The following AKAP13 variants were observed in gnomAD, a reference collection of about 807,000 sequenced individuals.
AKAP13 encodes A-kinase anchoring protein 13, also known as A-kinase anchor protein 13.
AKAP13 carries 80 observed loss-of-function variants against 264.5 expected under a neutral mutation model. The ratio of observed to expected loss-of-function variants is 0.30; its 90% CI spans 0.25 to 0.36. The LOEUF (loss-of-function observed/expected upper bound fraction) is 0.36. Among genes scored for constraint, AKAP13 ranks in the 10% least tolerant of loss-of-function variants. The pLI is 1.00. For synonymous variants in AKAP13, 1,380 were observed against 1,250.2 expected, an observed-to-expected ratio of 1.10 and a Z score of -2.19; for missense variants, 3,712 against 3,435.2, an observed-to-expected ratio of 1.08 and a Z score of -2.01.
intron 5 of AKAP13, among the ~76,000 whole-genome samples, chr15:85,557,774 CG>C (rs1366842740): frequency 1.3e-5 from 2 of 152,168 alleles, no homozygotes; most frequent in Non-Finnish European, 2.9e-5. Flanking sequence ...CATGCCCACA[CG>C]ACAGAACCTC....
At chr15:85,554,284 T>G (rs1175361362) in intron 5 of AKAP13, among the ~76,000 whole-genome samples, 1 of 152,244 alleles carries the variant, frequency 6.6e-6, no homozygotes, top group Non-Finnish European at 1.5e-5. Flanking sequence ...CTGTTAGGAT[T>G]AAACAAGAAC....
intron 1 of AKAP13, among the ~76,000 whole-genome samples, chr15:85,445,559 G>T (rs1290262582): frequency 6.6e-6 from 1 of 152,116 alleles, no homozygotes; most frequent in African/African-American, 2.4e-5. Flanking sequence ...TAGTTTATAT[G>T]ACAGCGTGCT....
Position 85,724,108 on chromosome 15 carries a change from G to A in AKAP13, c.6745+788G>A, listed in dbSNP as rs2087462720. Among the ~76,000 whole-genome samples, 1 of 152,184 alleles carries A rather than the reference G, an allele frequency of 6.6e-6. No homozygotes were observed. Among genetic ancestry groups the A allele is most frequent in the Non-Finnish European group, 1.5e-5 (1 of 68,034 alleles). On this transcript the variant is annotated intron_variant, in intron 26 of 36. Coordinates refer to ENST00000394518, the MANE Select transcript of AKAP13 (RefSeq NM_007200.5). The surrounding 1 kb of genome is among the most constrained non-coding windows in gnomAD (Gnocchi z 4.2). ...GAGCTGAGGACATTGAAGCAGGGTA[G>A]GCCAGTACTGTCAGCCTCACTGGCA...
intron 8 of AKAP13, among the ~76,000 whole-genome samples, chr15:85,623,869 G>T (rs2081297163): frequency 6.6e-6 from 1 of 152,212 alleles, no homozygotes. Flanking sequence ...TGCTAAAAAT[G>T]GGATATGAAA....
At chr15:85,567,200 C>T (rs182362118) in intron 5 of AKAP13, among the ~76,000 whole-genome samples, 28 of 150,648 alleles carry the variant, frequency 1.9e-4, no homozygotes, top group African/African-American at 6.3e-4. Context: ...CTCCACCTCC[C>T]GGGTTCAAAC....
Position 85,656,021 on chromosome 15 carries a change from T to TGAGA in AKAP13, c.4745+234_4745+235insGAGA, listed in dbSNP as rs528836648. Among the ~76,000 whole-genome samples the TGAGA allele has an allele frequency of 3.2e-4, 48 of 152,310 alleles. No homozygotes were observed. The East Asian group carries it at 8.3e-3, about 26-fold the overall frequency. Reference sequence around the variant, plus strand: ...AGCTTTAATATTCTCATCTGTAAAATACCTTCATTATTATTTTTAATAATA... The same window carrying TGAGA: ...AGCTTTAATATTCTCATCTGTAAAATGAGAACCTTCATTATTATTTTTAATAATA... On this transcript the variant is annotated intron_variant, in intron 11 of 36. Coordinates refer to ENST00000394518, the MANE Select transcript of AKAP13 (RefSeq NM_007200.5).
intron 33 of AKAP13, among the ~76,000 whole-genome samples, chr15:85,736,898 A>G (rs1174119636): frequency 1.4e-5 from 2 of 145,242 alleles, no homozygotes; most frequent in African/African-American, 2.6e-5. Flanking sequence ...CAAGTACTCA[A>G]GTTATATCAT....
intron 1 of AKAP13, among the ~76,000 whole-genome samples, chr15:85,418,976 A>G (rs1294541481): frequency 6.6e-6 from 1 of 152,234 alleles, no homozygotes; most frequent in Non-Finnish European, 1.5e-5. Flanking sequence ...TTAGATGTTC[A>G]GATGTTAAAA....
At chr15:85,401,910 AACTCACTG>A (rs1249799406) in intron 1 of AKAP13, among the ~76,000 whole-genome samples, 31 of 152,232 alleles carry the variant, frequency 2.0e-4, no homozygotes, top group African/African-American at 7.2e-4. Context: ...GGAAGATGGA[AACTCACTG>A]ACTGGTAGAA....
intron 5 of AKAP13, among the ~76,000 whole-genome samples, chr15:85,553,693 C>T (rs1436508199): frequency 2.0e-5 from 3 of 152,148 alleles, no homozygotes; most frequent in South Asian, 4.1e-4. Flanking sequence ...GGGTCCCCAC[C>T]GCCTAGGCTA....
At chr15:85,569,115 T>C (rs908078205) in intron 5 of AKAP13, among the ~76,000 whole-genome samples, 2 of 152,226 alleles carry the variant, frequency 1.3e-5, no homozygotes, top group African/African-American at 4.8e-5. Context: ...TTGGCATTGC[T>C]GCTGCTTTTG....
At chr15:85,521,362 T>C (rs1035756683) in intron 2 of AKAP13, 66 bp from the exon 3 acceptor site, 6 of 1,556,272 alleles carry the variant, frequency 3.9e-6, no homozygotes, top group South Asian at 3.5e-5. Flanking sequence ...ATATGATGTT[T>C]GATAAAGATA....
chr15:85,533,309 C>T (rs554972174), intron 3 of AKAP13, among the ~76,000 whole-genome samples: 49 of 152,240 alleles, frequency 3.2e-4, no homozygotes, highest in African/African-American at 4.3e-4. Flanking sequence ...AGAGCCTGTT[C>T]GGTTCCAGAT....
intron 1 of AKAP13, among the ~76,000 whole-genome samples, chr15:85,442,475 T>TAATATAAAATATACA (rs1555429969): frequency 1.7e-5 from 2 of 120,662 alleles, no homozygotes; most frequent in African/African-American, 6.3e-5. Flanking sequence ...ATAATATATA[T>TAATATAAAATATACA]TATATAATAT....
chr15:85,725,214 G>A (rs1303116812), intron 26 of AKAP13, among the ~76,000 whole-genome samples: 1 of 152,142 alleles, frequency 6.6e-6, no homozygotes, highest in Non-Finnish European at 1.5e-5. Flanking sequence ...GTAGAGATAG[G>A]AGTTGGTGTT....
intron 5 of AKAP13, among the ~76,000 whole-genome samples, chr15:85,545,309 C>T (rs2077699272): frequency 6.6e-6 from 1 of 152,204 alleles, no homozygotes; most frequent in Non-Finnish European, 1.5e-5. Context: ...AATGCATTTC[C>T]TCTAAATTTG....
chr15:85,418,121 G>C lies in AKAP13; in HGVS notation c.-12+37323G>C, dbSNP rs188661199. On this transcript the variant is annotated intron_variant, in intron 1 of 36. Coordinates refer to ENST00000394518, the MANE Select transcript of AKAP13 (RefSeq NM_007200.5). ...GATAGGGTCTGTCCCTGTTGCCCAG[G>C]CTGGAGTGCAGTGGCAGGATCATAG... 9.3e-5 allele frequency among the ~76,000 whole-genome samples: 14 copies of C among 150,510 alleles called. No homozygotes were observed. The East Asian group carries it at 2.7e-3, about 29-fold the overall frequency.
In AKAP13 at chr15:85,559,583, A is replaced by G. The variant is rs149575577; in HGVS notation, c.663-15548A>G. On this transcript the variant is annotated intron_variant, in intron 5 of 36. Coordinates refer to ENST00000394518, the MANE Select transcript of AKAP13 (RefSeq NM_007200.5). ...TTTCCTGCAGCTAAACAGTCCCATC[A>G]GGGGGTGATGGGAGACAGTGACAGA... Among the ~76,000 whole-genome samples, 87 of 152,286 alleles carry G rather than the reference A, an allele frequency of 5.7e-4. No individual in the cohort carries two copies. In the East Asian group the frequency reaches 0.016, roughly 29 times the overall value.
At chr15:85,385,296 A>G (rs1480621406) in intron 1 of AKAP13, among the ~76,000 whole-genome samples, 2 of 147,094 alleles carry the variant, frequency 1.4e-5, no homozygotes, top group East Asian at 1.9e-4. Context: ...TTTATAGTTG[A>G]TTAAGAAAAA....
Sources: allele counts gnomAD v4.1 joint callset (sites outside exome capture counted in the v4.1 genomes callset), GRCh38; gene constraint gnomAD v4.1.1; non-coding constraint Gnocchi (gnomAD v3.1); transcripts MANE v1.5; gene names NCBI Gene and HGNC (gene_info 2026-07-23, HGNC 2026-07-21).